The following POU3F3 variants were observed in gnomAD, a reference collection of about 807,000 sequenced individuals.
POU3F3 encodes POU class 3 homeobox 3.
A neutral mutation model predicts 8.6 loss-of-function variants in POU3F3; 1 was observed. The observed-to-expected ratio is 0.12, with a 90% CI of 0.04 to 0.55. The LOEUF is 0.55. POU3F3 is among the 20% of genes least tolerant of loss of function. The pLI is 0.91. For missense variants in POU3F3, 577 were observed against 690.7 expected, an observed-to-expected ratio of 0.84 and a Z score of 1.84; for synonymous variants, 418 against 327.4, an observed-to-expected ratio of 1.28 and a Z score of -2.99.
At chr2:104,885,064 T>C in the POU3F3 span, among the ~76,000 whole-genome samples, 1 of 152,194 alleles carries the variant, frequency 6.6e-6, no homozygotes, top group South Asian at 2.1e-4. Context: ...AATGTGATCA[T>C]CCATCCTTAA....
the POU3F3 span, among the ~76,000 whole-genome samples, chr2:104,893,733 A>G: frequency 8.6e-5 from 13 of 152,046 alleles, no homozygotes; most frequent in African/African-American, 3.1e-4. Flanking sequence ...AATGCAAAAA[A>G]TGAGCCGGGC....
chr2:104,874,749 A>G, the POU3F3 span, among the ~76,000 whole-genome samples: 1 of 152,170 alleles, frequency 6.6e-6, no homozygotes, highest in East Asian at 1.9e-4. Context: ...AGATTAGAAT[A>G]CCTATTCTTT....
the POU3F3 span, among the ~76,000 whole-genome samples, chr2:104,917,350 C>T: frequency 1.3e-5 from 2 of 152,206 alleles, no homozygotes; most frequent in Non-Finnish European, 2.9e-5. Flanking sequence ...CTTGAGATGA[C>T]TATTGTCATA....
the POU3F3 span, among the ~76,000 whole-genome samples, chr2:104,922,881 A>G: frequency 6.6e-6 from 1 of 152,244 alleles, no homozygotes; most frequent in Non-Finnish European, 1.5e-5. Flanking sequence ...CAAAGGCCAA[A>G]GACAGAGATA....
At chr2:104,907,494 A>G in the POU3F3 span, among the ~76,000 whole-genome samples, 3,952 of 152,330 alleles carry the variant, frequency 0.026, 70 homozygotes, top group Non-Finnish European at 0.037. Context: ...TATTTTAGCT[A>G]CGTCCCTAGG....
At chr2:104,903,083 G>A in the POU3F3 span, among the ~76,000 whole-genome samples, 11 of 152,204 alleles carry the variant, frequency 7.2e-5, no homozygotes, top group South Asian at 4.2e-4. Flanking sequence ...TGTTCAACGC[G>A]TTCTATCAAA....
At chr2:104,901,194 A>T in the POU3F3 span, among the ~76,000 whole-genome samples, 1 of 152,200 alleles carries the variant, frequency 6.6e-6, no homozygotes, top group Non-Finnish European at 1.5e-5. Context: ...CACTGGAGAG[A>T]CAGCCCAGGA....
chr2:104,856,236 C>T lies in POU3F3; in HGVS notation c.726C>T (p.Gly242=). The T allele has an allele frequency of 7.8e-7, 1 of 1,274,252 alleles. No homozygotes were observed. The highest frequency in any genetic ancestry group is 9.8e-7 in the Non-Finnish European group (1 of 1,019,604). 78.9% of individuals were successfully genotyped at this position (1,274,252 alleles called of 1,614,324 possible). A position where few individuals can be genotyped will look rare whatever the true frequency, so the allele number is the denominator to read the frequency against. Residue 242 remains glycine, a synonymous_variant, in exon 1 of 1, where the codon GGC becomes GGT. Transcript: ENST00000361360. ...TGAGCGCGCCACCGGGGCCCGGCGG[C>T]GGCGGCGGCGGCGCGGGCGGTGGAG... ...GMLSAPPGPG[G]GGGGAGGGAQ...
the POU3F3 span, among the ~76,000 whole-genome samples, chr2:104,871,280 TAAAC>T: frequency 6.6e-6 from 1 of 152,204 alleles, no homozygotes; most frequent in African/African-American, 2.4e-5. Context: ...GCAGTAGCAA[TAAAC>T]TTTCTGAGAA....
At chr2:104,862,717 A>G (rs991348723), downstream of POU3F3, among the ~76,000 whole-genome samples, 1 of 152,194 alleles carries the variant, frequency 6.6e-6, no homozygotes, top group African/African-American at 2.4e-5. Context: ...TTTCTCAAAG[A>G]TTTAAATTTC....
chr2:104,902,190 C>T, the POU3F3 span, among the ~76,000 whole-genome samples: 1 of 152,176 alleles, frequency 6.6e-6, no homozygotes, highest in African/African-American at 2.4e-5. Context: ...AGAACCACAA[C>T]CCCAAAAGTG....
At chr2:104,892,304 A>G in the POU3F3 span, among the ~76,000 whole-genome samples, 1 of 152,174 alleles carries the variant, frequency 6.6e-6, no homozygotes, top group East Asian at 1.9e-4. Flanking sequence ...AGCCAACTGC[A>G]TTGGCCCAGG....
At position 104,856,430 on chromosome 2, in the gene POU3F3, G is replaced by C. The variant is rs749320929; in HGVS notation, c.920G>C (p.Ser307Thr). ...GGCGGCGCGGGGCCTGGACTCAACA[G>C]CCACGACCCGCACTCGGACGAGGAC... The part of the protein sequence containing the change: ...GGGGAGPGLN[S>T]HDPHSDEDTP... The change falls in exon 1 of 1, where the codon AGC (serine) becomes ACC (threonine). Residue 307 changes from serine (S) to threonine (T), a missense_variant. Physicochemically the swap from Ser to Thr is moderately conservative, Grantham distance 58. Transcript: ENST00000361360. 6.2e-7 allele frequency: 1 copy of C among 1,608,658 alleles called. No individual in the cohort carries two copies. Among genetic ancestry groups the C allele is most frequent in the South Asian group, 1.1e-5 (1 of 90,762 alleles).
At chr2:104,890,780 C>T in the POU3F3 span, among the ~76,000 whole-genome samples, 3 of 152,198 alleles carry the variant, frequency 2.0e-5, no homozygotes, top group Non-Finnish European at 4.4e-5. Context: ...ATTCCTACCC[C>T]ACCTGTCCCA....
the POU3F3 span, among the ~76,000 whole-genome samples, chr2:104,923,238 A>G: frequency 6.6e-6 from 1 of 152,214 alleles, no homozygotes; most frequent in Admixed American, 6.5e-5. Flanking sequence ...ATGCATGGGA[A>G]TTTATAAAAG....
At chr2:104,872,218 T>C in the POU3F3 span, 1 of 456,490 alleles carries the variant, frequency 2.2e-6, no homozygotes, top group South Asian at 1.5e-5. This position sits in a 1 kb window ranked among gnomAD's most constrained non-coding sequence, Gnocchi z 4.6. Context: ...CTGCTCCTCC[T>C]GTCCGCTCCC....
chr2:104,865,187 C>G, the POU3F3 span, among the ~76,000 whole-genome samples: 2 of 152,146 alleles, frequency 1.3e-5, no homozygotes, highest in African/African-American at 4.8e-5. Flanking sequence ...GTCTTTAATT[C>G]AAGAAGTTTT....
At chr2:104,887,960 T>C in the POU3F3 span, among the ~76,000 whole-genome samples, 1 of 152,264 alleles carries the variant, frequency 6.6e-6, no homozygotes, top group Non-Finnish European at 1.5e-5. Flanking sequence ...GCTATTTAAA[T>C]CATCTAAAAT....
chr2:104,916,075 A>T, the POU3F3 span, among the ~76,000 whole-genome samples: 2 of 152,168 alleles, frequency 1.3e-5, no homozygotes, highest in South Asian at 4.1e-4. Context: ...TAGCAAACAT[A>T]CATGATGAAA....
Sources: allele counts gnomAD v4.1 joint callset (sites outside exome capture counted in the v4.1 genomes callset), GRCh38; gene constraint gnomAD v4.1.1; non-coding constraint Gnocchi (gnomAD v3.1); transcripts MANE v1.5; gene names NCBI Gene and HGNC (gene_info 2026-07-23, HGNC 2026-07-21).